Variants in PDE11A observed in about 807,000 individuals in gnomAD.
The protein encoded by PDE11A is dual 3',5'-cyclic-AMP and -GMP phosphodiesterase 11A.
In PDE11A, 100 loss-of-function variants were observed where a neutral mutation model predicts 100.5. The ratio of observed to expected loss-of-function variants is 1.00; its 90% CI spans 0.85 to 1.18. The LOEUF (loss-of-function observed/expected upper bound fraction) is 1.18. PDE11A is among the 50% of genes most tolerant of loss of function. PDE11A has a pLI of 0.00. For synonymous variants in PDE11A, 381 were observed against 420.8 expected (o/e 0.91, Z 1.16); for missense variants, 1,141 against 1,152.6 (o/e 0.99, Z 0.15).
chr2:177,929,890 C>T (rs1396513700), intron 2 of PDE11A, among the ~76,000 whole-genome samples: 1 of 152,126 alleles, frequency 6.6e-6, no homozygotes, highest in Non-Finnish European at 1.5e-5. Context: ...ATAATCCTAC[C>T]ATTGTATAAG....
chr2:177,761,279 C>T (rs910457583), intron 10 of PDE11A, among the ~76,000 whole-genome samples: 49 of 152,092 alleles, frequency 3.2e-4, no homozygotes, highest in Admixed American at 3.1e-3. Flanking sequence ...CAACCAGGAA[C>T]ATAAAAACAA....
At chr2:178,090,839 A>G (rs1335162311) in intron 2 of PDE11A, among the ~76,000 whole-genome samples, 1 of 152,126 alleles carries the variant, frequency 6.6e-6, no homozygotes. Flanking sequence ...TAACAAGCTC[A>G]GCTTTTTCTG....
intron 12 of PDE11A, among the ~76,000 whole-genome samples, chr2:177,712,213 T>C (rs1355728718): frequency 6.6e-6 from 1 of 152,194 alleles, no homozygotes; most frequent in Non-Finnish European, 1.5e-5. Context: ...TATTATACAT[T>C]TTAATGATGA....
chr2:177,900,983 G>C (rs1014490322), intron 3 of PDE11A, among the ~76,000 whole-genome samples: 1 of 152,088 alleles, frequency 6.6e-6, no homozygotes, highest in Non-Finnish European at 1.5e-5. Flanking sequence ...CTAACTTTGG[G>C]AGGAACACAG....
At chr2:177,713,300 C>T (rs962156766) in intron 12 of PDE11A, among the ~76,000 whole-genome samples, 1 of 152,192 alleles carries the variant, frequency 6.6e-6, no homozygotes, top group African/African-American at 2.4e-5. Context: ...TGAGCCTCCA[C>T]GCCTGGCTGA....
At chr2:177,721,312 C>T (rs1574078144) in intron 12 of PDE11A, among the ~76,000 whole-genome samples, 1 of 152,068 alleles carries the variant, frequency 6.6e-6, no homozygotes, top group African/African-American at 2.4e-5. Context: ...TAGCGTATTT[C>T]AAAGCAAACC....
intron 6 of PDE11A, among the ~76,000 whole-genome samples, chr2:177,823,713 T>C (rs913358343): frequency 1.3e-5 from 2 of 152,162 alleles, no homozygotes; most frequent in Non-Finnish European, 2.9e-5. Flanking sequence ...CCAGTAAGCA[T>C]GAAGAGAAGA....
chr2:178,005,752 A>G (rs1056331136), intron 2 of PDE11A, among the ~76,000 whole-genome samples: 1 of 152,236 alleles, frequency 6.6e-6, no homozygotes, highest in East Asian at 1.9e-4. Flanking sequence ...TATGCAGATC[A>G]ATGATCATGC....
At chr2:177,881,658 G>A (rs965411963) in intron 4 of PDE11A, among the ~76,000 whole-genome samples, 3 of 152,354 alleles carry the variant, frequency 2.0e-5, no homozygotes, top group East Asian at 1.9e-4. Flanking sequence ...AAAAGCAGGA[G>A]TGGGCAAAGG....
chr2:177,725,651 G>A (rs2081589742), intron 12 of PDE11A, among the ~76,000 whole-genome samples: 1 of 152,076 alleles, frequency 6.6e-6, no homozygotes. Context: ...GACGATATGA[G>A]CATCCCCATT....
intron 4 of PDE11A, among the ~76,000 whole-genome samples, chr2:177,876,179 T>C (rs922369782): frequency 1.3e-5 from 2 of 152,218 alleles, no homozygotes; most frequent in African/African-American, 4.8e-5. Flanking sequence ...CAATTAGGTG[T>C]ACAATGAGCT....
chr2:177,985,127 G>A (rs1393451146), intron 2 of PDE11A, among the ~76,000 whole-genome samples: 4 of 152,182 alleles, frequency 2.6e-5, no homozygotes, highest in East Asian at 1.9e-4. Context: ...TTGAAATCAG[G>A]TGCATATTTG....
In PDE11A at chr2:177,629,474, C is replaced by T. The variant is rs529018398; in HGVS notation, c.2735G>A (p.Arg912Gln). The T allele has an allele frequency of 1.7e-5, 28 of 1,613,872 alleles. No homozygotes were observed. In the South Asian group the frequency reaches 2.1e-4, roughly 12 times the overall value. Residue 912 changes from arginine (R) to glutamine (Q), a missense_variant, in exon 20 of 20, where the codon CGA becomes CAA. Transcript: ENST00000286063. ...GGATGAGGCAGTTGAGGCCAGCAGT[C>T]GTTTTTGGTGTAGCTCTTCCCACTT... ...RSKWEELHQK[R>Q]LLASTASSSP... is the part of the protein sequence containing the mutation.
At chr2:177,836,647 G>A (rs1054690148) in intron 6 of PDE11A, among the ~76,000 whole-genome samples, 1 of 152,194 alleles carries the variant, frequency 6.6e-6, no homozygotes, top group East Asian at 1.9e-4. Flanking sequence ...AATAAATCTT[G>A]CTGCTGCTCA....
At chr2:177,685,813 T>C (rs10183838) in intron 15 of PDE11A, among the ~76,000 whole-genome samples, 46,753 of 152,106 alleles carry the variant, frequency 0.31, 12,718 homozygotes, top group African/African-American at 0.74. Context: ...GTCATCCACC[T>C]GCCTCGGCCT....
At chr2:177,717,610 A>C (rs1218324056) in intron 12 of PDE11A, among the ~76,000 whole-genome samples, 1 of 152,130 alleles carries the variant, frequency 6.6e-6, no homozygotes. Context: ...AGTAAATACA[A>C]TATATCTAAG....
At chr2:177,859,531 C>A (rs146217969) in intron 5 of PDE11A, among the ~76,000 whole-genome samples, 16 of 151,912 alleles carry the variant, frequency 1.1e-4, no homozygotes, top group South Asian at 4.1e-4. Context: ...AATAGTGGAG[C>A]CTTCAACATC....
At chr2:177,948,035 G>A (rs1474909777) in intron 2 of PDE11A, among the ~76,000 whole-genome samples, 2 of 151,524 alleles carry the variant, frequency 1.3e-5, no homozygotes, top group Non-Finnish European at 2.9e-5. Flanking sequence ...ATGTGTGCAC[G>A]ACCTTTTTTT....
intron 12 of PDE11A, among the ~76,000 whole-genome samples, chr2:177,714,275 G>A (rs139573803): frequency 6.6e-6 from 1 of 152,130 alleles, no homozygotes; most frequent in South Asian, 2.1e-4. Context: ...TTACAGGCGT[G>A]AGCCACTACG....
Sources: allele counts gnomAD v4.1 joint callset (sites outside exome capture counted in the v4.1 genomes callset), GRCh38; gene constraint gnomAD v4.1.1; transcripts MANE v1.5; gene names NCBI Gene and HGNC (gene_info 2026-07-23, HGNC 2026-07-21).